The following NSMAF variants were observed in gnomAD, a reference collection of about 807,000 sequenced individuals.
NSMAF encodes neutral sphingomyelinase activation associated factor.
NSMAF carries 90 observed loss-of-function variants against 134.9 expected under a neutral mutation model. The ratio of observed to expected loss-of-function variants is 0.67; its 90% CI spans 0.56 to 0.79. NSMAF has a LOEUF of 0.79. Among genes scored for constraint, NSMAF ranks in the 30% least tolerant of loss-of-function variants. The pLI is 0.00. For synonymous variants in NSMAF, 358 were observed against 389.6 expected (o/e 0.92, Z 0.96); for missense variants, 1,010 against 1,119.0 (o/e 0.90, Z 1.39).
chr8:58,586,096 C>T, intron 28 of NSMAF, 96 bp from the exon 29 acceptor site: 1 of 950,342 alleles, frequency 1.1e-6, no homozygotes, highest in South Asian at 1.3e-5. Flanking sequence ...GCCTAATCTC[C>T]ACATTCGTTT....
At position 58,584,019 on chromosome 8, in the gene NSMAF, A is replaced by G; in HGVS notation, c.*87T>C. 2.0e-6 allele frequency: 2 copies of G among 1,025,300 alleles called. No individual in the cohort carries two copies. The highest frequency in any genetic ancestry group is 2.4e-5 in the East Asian group (1 of 41,390). The allele number at this position is 1,025,300 out of a possible 1,614,324, so 63.5% of individuals were successfully genotyped here. ...TGTGGTAAAACTTCTAATTACTAAC[A>G]TTGCACATTCACCAGTCCGTTTAAA... On this transcript the variant is annotated 3_prime_UTR_variant, in exon 31 of 31. Coordinates refer to ENST00000038176, the MANE Select transcript of NSMAF (RefSeq NM_003580.4).
intron 1 of NSMAF, among the ~76,000 whole-genome samples, chr8:58,658,341 T>C (rs1193801129): frequency 3.9e-5 from 6 of 152,184 alleles, no homozygotes; most frequent in African/African-American, 1.4e-4. Flanking sequence ...CCTAATCACA[T>C]CACCAAAAAC....
At chr8:58,609,432 C>A (rs1314265248) in intron 10 of NSMAF, among the ~76,000 whole-genome samples, 172 bp downstream of exon 10, 1 of 152,178 alleles carries the variant, frequency 6.6e-6, no homozygotes. Context: ...AGAGACTACA[C>A]ATCACGATTA....
At chr8:58,617,468 A>C (rs969701749) in intron 9 of NSMAF, among the ~76,000 whole-genome samples, 2 of 152,242 alleles carry the variant, frequency 1.3e-5, no homozygotes, top group African/African-American at 2.4e-5. Flanking sequence ...TTACAAGAAA[A>C]AAACAAACAA....
rs1806217049 is a variant in NSMAF, at chr8:58,599,266, T to A, written c.1551A>T (p.Lys517Asn). Residue 517 changes from lysine to asparagine, a missense_variant, in exon 19 of 31, where the codon AAA becomes AAT. Transcript: ENST00000038176. Reference sequence around the variant, plus strand: ...CCCCAACTGCATCACTCCCTTTTTGTTTGTAGCCAAATATTAGATCAATCC... The same window carrying A: ...CCCCAACTGCATCACTCCCTTTTTGATTGTAGCCAAATATTAGATCAATCC... ...HEWIDLIFGY[K>N]QKGSDAVGAH... 6.2e-7 allele frequency: 1 copy of A among 1,613,892 alleles called. No homozygotes were observed. The highest frequency in any genetic ancestry group is 1.3e-5 in the African/African-American group (1 of 74,922).
At chr8:58,624,056 T>G (rs1806856242) in intron 6 of NSMAF, among the ~76,000 whole-genome samples, 1 of 149,932 alleles carries the variant, frequency 6.7e-6, no homozygotes. Context: ...TTTTTTTTTT[T>G]TTTGAGACAG....
chr8:58,602,203 C>A, intron 13 of NSMAF, 66 bp from the exon 14 acceptor site: 2 of 1,220,138 alleles, frequency 1.6e-6, no homozygotes, highest in South Asian at 1.3e-5. Flanking sequence ...TGAATTAATT[C>A]AAATATACAC....
intron 27 of NSMAF, among the ~76,000 whole-genome samples, chr8:58,587,147 G>T (rs911120315): frequency 6.6e-6 from 1 of 152,222 alleles, no homozygotes; most frequent in African/African-American, 2.4e-5. Context: ...GTGACCCAGA[G>T]AAAACAGAGC....
intron 1 of NSMAF, among the ~76,000 whole-genome samples, chr8:58,646,947 A>G (rs988234080): frequency 6.6e-6 from 1 of 152,224 alleles, no homozygotes; most frequent in Non-Finnish European, 1.5e-5. Context: ...ATGTTTTCCT[A>G]TTCTTACATC....
intron 2 of NSMAF, among the ~76,000 whole-genome samples, chr8:58,642,640 G>C (rs1299408444): frequency 6.6e-6 from 1 of 152,126 alleles, no homozygotes; most frequent in Admixed American, 6.5e-5. Flanking sequence ...GTCCTATCAA[G>C]CTTAAGATAT....
intron 9 of NSMAF, among the ~76,000 whole-genome samples, chr8:58,613,367 G>A (rs564044666): frequency 2.8e-4 from 42 of 152,126 alleles, no homozygotes; most frequent in Non-Finnish European, 5.0e-4. Context: ...TAAGGTTCTT[G>A]TATTGGTGTA....
chr8:58,599,737 A>T lies in NSMAF; in HGVS notation c.1453+13T>A, dbSNP rs777757222. Reference sequence around the variant, plus strand: ...GCATGTCTATAATACAACACCTCCAAGGGGGGACTCACTGGAAGCCCAAGG... The same window carrying T: ...GCATGTCTATAATACAACACCTCCATGGGGGGACTCACTGGAAGCCCAAGG... On this transcript the variant is annotated intron_variant, in intron 18 of 30. Coordinates refer to ENST00000038176, the MANE Select transcript of NSMAF (RefSeq NM_003580.4). The T allele has an allele frequency of 6.2e-7, 1 of 1,612,738 alleles. No homozygotes were observed. The highest frequency in any genetic ancestry group is 1.1e-5 in the South Asian group (1 of 90,824).
intron 1 of NSMAF, among the ~76,000 whole-genome samples, chr8:58,655,966 A>G (rs183058104): frequency 1.7e-3 from 256 of 152,270 alleles, no homozygotes; most frequent in African/African-American, 5.8e-3. Flanking sequence ...ACACCTGCAC[A>G]GGACATTTTT....
At chr8:58,633,832 T>A (rs1366588074) in intron 5 of NSMAF, among the ~76,000 whole-genome samples, 2 of 152,206 alleles carry the variant, frequency 1.3e-5, no homozygotes, top group Non-Finnish European at 1.5e-5. Context: ...AAGCTTTAAA[T>A]AATGCTTGAA....
chr8:58,598,234 G>A (rs368128876), intron 19 of NSMAF, among the ~76,000 whole-genome samples: 2 of 152,124 alleles, frequency 1.3e-5, no homozygotes, highest in African/African-American at 4.8e-5. Context: ...TATGAACATG[G>A]GCGATATGGA....
intron 11 of NSMAF, 127 bp downstream of exon 11, chr8:58,607,642 A>G: frequency 2.9e-6 from 2 of 695,856 alleles, no homozygotes; most frequent in Non-Finnish European, 5.1e-6. Context: ...GCAAAATCAG[A>G]GTCTATTTTC....
intron 2 of NSMAF, among the ~76,000 whole-genome samples, chr8:58,639,488 CTTA>C (rs1205555838): frequency 1.3e-5 from 2 of 152,096 alleles, no homozygotes; most frequent in Non-Finnish European, 2.9e-5. Context: ...AAAGAGAACC[CTTA>C]TATACTGCTG....
chr8:58,656,078 G>A (rs1030718882), intron 1 of NSMAF, among the ~76,000 whole-genome samples: 1 of 151,806 alleles, frequency 6.6e-6, no homozygotes, highest in Non-Finnish European at 1.5e-5. Context: ...GAGTGCAATG[G>A]CACCATCTCG....
At chr8:58,652,670 C>A (rs553230458) in intron 1 of NSMAF, among the ~76,000 whole-genome samples, 2 of 152,278 alleles carry the variant, frequency 1.3e-5, no homozygotes, top group African/African-American at 4.8e-5. Context: ...CTATCACTGA[C>A]CTTTCTCTGT....
Sources: gnomAD v4.1 joint callset for allele counts (sites outside exome capture counted in the v4.1 genomes callset) on GRCh38, gnomAD v4.1.1 for gene constraint, MANE v1.5 for transcripts, NCBI Gene and HGNC (gene_info 2026-07-23, HGNC 2026-07-21) for gene names.